The following NETO1 variants were observed in gnomAD, a reference collection of about 807,000 sequenced individuals.
NETO1 encodes the protein neuropilin and tolloid like 1, also known as neuropilin and tolloid-like protein 1.
Under a neutral mutation model 61.3 loss-of-function variants are expected in NETO1, and 26 were observed. That is an observed-to-expected ratio of 0.42 (90% CI 0.31 to 0.59). The LOEUF is 0.59. NETO1 is among the 20% of genes least tolerant of loss of function. The pLI is 0.12. For missense variants in NETO1, 531 were observed against 662.8 expected, an observed-to-expected ratio of 0.80 and a Z score of 2.18; for synonymous variants, 225 against 225.8, an observed-to-expected ratio of 1.00 and a Z score of 0.03.
At chr18:72,831,751 A>G (rs2073586547) in intron 4 of NETO1, among the ~76,000 whole-genome samples, 1 of 152,206 alleles carries the variant, frequency 6.6e-6, no homozygotes, top group Admixed American at 6.5e-5. Context: ...TTTTCCAAAC[A>G]TATTCCTCAT....
chr18:72,821,663 C>G (rs965867356), intron 4 of NETO1, among the ~76,000 whole-genome samples: 6 of 151,486 alleles, frequency 4.0e-5, no homozygotes, highest in African/African-American at 1.5e-4. Flanking sequence ...TCTCATTAAT[C>G]TCAAAACAAT....
chr18:72,850,827 G>A (rs1443260360), intron 4 of NETO1, among the ~76,000 whole-genome samples: 1 of 152,180 alleles, frequency 6.6e-6, no homozygotes, highest in African/African-American at 2.4e-5. Context: ...GTCATTTGAT[G>A]ATGGGATTCG....
chr18:72,772,675 CCTTT>C (rs1260306550), intron 7 of NETO1, among the ~76,000 whole-genome samples: 29 of 150,042 alleles, frequency 1.9e-4, no homozygotes, highest in African/African-American at 7.1e-4. Flanking sequence ...TCTGAGACAG[CCTTT>C]CTTTCTCATG....
rs186532342 is a variant in NETO1, at chr18:72,832,964, A to C, written c.469+25862T>G. 1.6e-3 allele frequency among the ~76,000 whole-genome samples: 242 copies of C among 152,350 alleles called. 3 individuals carry two copies. The highest frequency in any genetic ancestry group is 4.1e-4 in the Non-Finnish European group (28 of 68,032). On this transcript the variant is annotated intron_variant, in intron 4 of 10. Coordinates refer to ENST00000327305, the MANE Select transcript of NETO1 (RefSeq NM_138966.5). ...TATTTCCAAAATGGATGACATTTTTAGAAGGCTATGTAAATGTCTCTAATG... is the reference window on the plus strand; with the variant it reads ...TATTTCCAAAATGGATGACATTTTTCGAAGGCTATGTAAATGTCTCTAATG...
rs142826828 is a variant in NETO1, at chr18:72,831,369, G to A, written c.469+27457C>T. The stretch of plus-strand genomic sequence containing the variant: ...TGGTGTGTCAGATAAAAGACACTGG[G>A]TTAACTCCACTTCCATATCTCAAAG... On this transcript the variant is annotated intron_variant, in intron 4 of 10. Transcript: ENST00000327305. 3.6e-3 allele frequency among the ~76,000 whole-genome samples: 550 copies of A among 152,244 alleles called. 1 individual carries two copies. Among genetic ancestry groups the A allele is most frequent in the African/African-American group, 0.01 (436 of 41,540 alleles).
At chr18:72,769,828 G>C (rs2071292399) in intron 7 of NETO1, among the ~76,000 whole-genome samples, 1 of 152,012 alleles carries the variant, frequency 6.6e-6, no homozygotes, top group African/African-American at 2.4e-5. Context: ...TTAATAAAGA[G>C]TATATGTACA....
chr18:72,770,174 T>C (rs1443393451), intron 7 of NETO1, among the ~76,000 whole-genome samples: 1 of 152,052 alleles, frequency 6.6e-6, no homozygotes, highest in Non-Finnish European at 1.5e-5. Flanking sequence ...GCTTACAGGG[T>C]ATTTATGCTT....
chr18:72,828,588 T>G (rs2073470590), intron 4 of NETO1, among the ~76,000 whole-genome samples: 1 of 152,200 alleles, frequency 6.6e-6, no homozygotes, highest in African/African-American at 2.4e-5. Flanking sequence ...GTAGCTACAT[T>G]TTTTGACAAG....
rs867659476 is a variant in NETO1 at position 72,744,018 on chromosome 18, G to T, written c.*4161C>A. On this transcript the variant is annotated 3_prime_UTR_variant, in exon 11 of 11. Coordinates refer to ENST00000327305, the MANE Select transcript of NETO1 (RefSeq NM_138966.5). Reference sequence around the variant, plus strand: ...ATGATCATACTGTTTCAGGAATAAGGAGATTCTGGAAACCAACCCAAGTAA... The same window carrying T: ...ATGATCATACTGTTTCAGGAATAAGTAGATTCTGGAAACCAACCCAAGTAA... 1 of 152,146 alleles carries T rather than the reference G, an allele frequency of 6.6e-6. No individual in the cohort carries two copies. The highest frequency in any genetic ancestry group is 1.5e-5 in the Non-Finnish European group (1 of 68,016). The allele number at this position is 152,146 out of a possible 1,614,324, so 9.4% of individuals were successfully genotyped here.
At chr18:72,840,435 C>A (rs1415414099) in intron 4 of NETO1, among the ~76,000 whole-genome samples, 3 of 152,174 alleles carry the variant, frequency 2.0e-5, no homozygotes, top group Admixed American at 6.5e-5. Flanking sequence ...ACAAACACTG[C>A]AACAAACAAA....
chr18:72,809,102 G>A (rs755076474), intron 4 of NETO1, among the ~76,000 whole-genome samples: 1 of 152,174 alleles, frequency 6.6e-6, no homozygotes, highest in Non-Finnish European at 1.5e-5. Context: ...GAATCTGTAA[G>A]TTCTAGCCAT....
intron 6 of NETO1, among the ~76,000 whole-genome samples, chr18:72,788,917 C>G (rs945847202): frequency 3.3e-5 from 5 of 152,004 alleles, no homozygotes; most frequent in African/African-American, 4.8e-5. Context: ...TTATTTGAGG[C>G]AATTATTTAC....
At chr18:72,849,845 G>A (rs761452235) in intron 4 of NETO1, among the ~76,000 whole-genome samples, 2 of 152,070 alleles carry the variant, frequency 1.3e-5, no homozygotes, top group African/African-American at 2.4e-5. Flanking sequence ...GGTCTTTTCC[G>A]TTCTAGAAGC....
downstream of NETO1, among the ~76,000 whole-genome samples, chr18:72,743,567 T>C (rs138293280): frequency 6.0e-3 from 918 of 152,290 alleles, 4 homozygotes; most frequent in Admixed American, 0.01. Flanking sequence ...TAATTTTCCT[T>C]ATACAGCTCC....
chr18:72,786,211 T>TTATATTATATATTCCA (rs1343407820), intron 6 of NETO1, among the ~76,000 whole-genome samples: 1 of 152,206 alleles, frequency 6.6e-6, no homozygotes, highest in Non-Finnish European at 1.5e-5. Flanking sequence ...TCTTATTTTA[T>TTATATTATATATTCCA]TATATACAGT....
chr18:72,865,586 C>T (rs1250216437), intron 1 of NETO1: 4 of 1,607,154 alleles, frequency 2.5e-6, no homozygotes, highest in South Asian at 1.1e-5. Flanking sequence ...TAGGGAATGG[C>T]TCTGCCAGCA....
chr18:72,758,545 G>A lies in NETO1; in HGVS notation c.869-2398C>T, dbSNP rs962378596. Among the ~76,000 whole-genome samples, 3 of 152,048 alleles carry A rather than the reference G, an allele frequency of 2.0e-5. No homozygotes were observed. In the East Asian group the frequency reaches 5.8e-4, roughly 29 times the overall value. ...AAGCAAATCCTGATATGGTTAAGAA[G>A]CAATGTAGAGGCTGGGCGTGGTGGC... On this transcript the variant is annotated intron_variant, in intron 7 of 10. Transcript: ENST00000327305.
chr18:72,773,089 G>A (rs2071429936), intron 7 of NETO1, among the ~76,000 whole-genome samples: 1 of 151,644 alleles, frequency 6.6e-6, no homozygotes, highest in African/African-American at 2.4e-5. Context: ...ACACAATTGT[G>A]CTAGGCTTTC....
In NETO1 at chr18:72,867,394, G is replaced by T. The variant is rs2074774266; in HGVS notation, c.-103C>A. 4 of 861,916 alleles carry T rather than the reference G, an allele frequency of 4.6e-6. No homozygotes were observed. The South Asian group carries it at 7.2e-5, about 16-fold the overall frequency. 53.4% of individuals were successfully genotyped at this position (861,916 alleles called of 1,614,324 possible). On this transcript the variant is annotated 5_prime_UTR_variant, in exon 1 of 11. Transcript: ENST00000327305. ...GACAGGGTCGAGAGGTGTTAAAGAC[G>T]CAAAGCAAGAAGGAAATAAAGGGGG...
Sources: gnomAD v4.1 joint callset for allele counts (sites outside exome capture counted in the v4.1 genomes callset) on GRCh38, gnomAD v4.1.1 for gene constraint, MANE v1.5 for transcripts, NCBI Gene and HGNC (gene_info 2026-07-23, HGNC 2026-07-21) for gene names.